The following IKBKB variants were observed in gnomAD, a reference collection of about 807,000 sequenced individuals.
IKBKB encodes inhibitor of nuclear factor kappa B kinase subunit beta.
IKBKB carries 42 observed loss-of-function variants against 113.6 expected under a neutral mutation model. The ratio of observed to expected loss-of-function variants is 0.37; its 90% CI spans 0.29 to 0.48. The LOEUF (loss-of-function observed/expected upper bound fraction) is 0.48. IKBKB is among the 20% of genes least tolerant of loss of function. IKBKB has a pLI of 0.99. For missense variants in IKBKB, 673 were observed against 939.7 expected (o/e 0.72, Z 3.71); for synonymous variants, 296 against 361.3 (o/e 0.82, Z 2.05).
At chr8:42,271,766 G>A (rs1349247867) in intron 1 of IKBKB, 5 of 502,678 alleles carry the variant, frequency 9.9e-6, no homozygotes, top group Non-Finnish European at 1.7e-5. Flanking sequence ...CGGGCAGAAG[G>A]CGGGCAGGCC....
rs201300369 is a variant in IKBKB at position 42,305,320 on chromosome 8, G to A, written c.477+45G>A. The A allele has an allele frequency of 2.5e-5, 31 of 1,236,522 alleles. No individual in the cohort carries two copies. The East Asian group carries it at 4.2e-4, about 17-fold the overall frequency. The allele number at this position is 1,236,522 out of a possible 1,614,324, so 76.6% of individuals were successfully genotyped here. On this transcript the variant is annotated intron_variant, in intron 6 of 21. Coordinates refer to ENST00000520810, the MANE Select transcript of IKBKB (RefSeq NM_001556.3). ...TGGGAAAGCCTCAGGTGGGCGTGCC[G>A]GGAAGTGGCCTGGGAGGAAAGGAGC... is the stretch of plus-strand genomic sequence containing the variant.
chr8:42,301,848 A>G (rs1815280331), intron 5 of IKBKB, among the ~76,000 whole-genome samples: 1 of 152,142 alleles, frequency 6.6e-6, no homozygotes, highest in Non-Finnish European at 1.5e-5. Context: ...GGTTCTGGGG[A>G]CATCTCACCT....
chr8:42,302,681 TTGTTTCATATAAGGTATATATGAAACAAA>T, intron 5 of IKBKB, among the ~76,000 whole-genome samples: 1 of 152,216 alleles, frequency 6.6e-6, no homozygotes, highest in South Asian at 2.1e-4. Context: ...AAAAATTCAG[TTGTTTCATATAAGGTATATATGAAACAAA>T]TGAATTTTGT....
chr8:42,283,642 A>G (rs912482848), intron 2 of IKBKB, among the ~76,000 whole-genome samples: 1 of 152,222 alleles, frequency 6.6e-6, no homozygotes, highest in African/African-American at 2.4e-5. Flanking sequence ...GAGCCTCTGG[A>G]TGGAGCATAG....
intron 12 of IKBKB, 120 bp downstream of exon 12, chr8:42,317,891 C>A: frequency 1.4e-6 from 1 of 720,198 alleles, no homozygotes; most frequent in Non-Finnish European, 2.5e-6. Flanking sequence ...TATCGCCAGT[C>A]CTCAGGGCAG....
At chr8:42,302,997 A>G (rs1815594706) in intron 5 of IKBKB, among the ~76,000 whole-genome samples, 1 of 151,862 alleles carries the variant, frequency 6.6e-6, no homozygotes. Flanking sequence ...GGCCGTACCC[A>G]TGACAGCAGA....
At position 42,271,383 on chromosome 8, in the gene IKBKB, G is replaced by C. The variant is rs898199620; in HGVS notation, c.-105G>C. Reference sequence around the variant, plus strand: ...TTCCCGCATTTTAATGTTTTCAGGGGGGTGTCATAGCCCCGGGTTTGGCCG... The same window carrying C: ...TTCCCGCATTTTAATGTTTTCAGGGCGGTGTCATAGCCCCGGGTTTGGCCG... On this transcript the variant is annotated 5_prime_UTR_variant, in exon 1 of 22. Coordinates refer to ENST00000520810, the MANE Select transcript of IKBKB (RefSeq NM_001556.3). 4 of 1,509,678 alleles carry C rather than the reference G, an allele frequency of 2.6e-6. No individual in the cohort carries two copies. Among genetic ancestry groups the C allele is most frequent in the East Asian group, 2.5e-5 (1 of 40,602 alleles). The allele number at this position is 1,509,678 out of a possible 1,614,324, so 93.5% of individuals were successfully genotyped here.
intron 21 of IKBKB, 45 bp downstream of exon 21, chr8:42,329,259 C>A (rs1189441134): frequency 6.6e-7 from 1 of 1,525,722 alleles, no homozygotes; most frequent in Non-Finnish European, 8.8e-7. Context: ...TCCTTTCTTT[C>A]TATGGCAAAA....
chr8:42,290,378 G>A (rs1321452084), intron 4 of IKBKB, 105 bp downstream of exon 4: 45 of 791,742 alleles, frequency 5.7e-5, no homozygotes, highest in Non-Finnish European at 6.3e-6. Flanking sequence ...GGAAGCTTGG[G>A]GAGCCCCAGT....
In IKBKB at chr8:42,320,794, C is replaced by A; in HGVS notation, c.1638C>A (p.Asp546Glu). The A allele has an allele frequency of 6.2e-7, 1 of 1,609,630 alleles. No individual in the cohort carries two copies. Among genetic ancestry groups the A allele is most frequent in the Non-Finnish European group, 8.5e-7 (1 of 1,177,866 alleles). Residue 546 changes from aspartate to glutamate, a missense_variant, in exon 16 of 22, where the codon GAC becomes GAA. Transcript: ENST00000520810. ...RMMALQTDIV[D>E]LQRSPMGRKQ... ...TGGCTCTGCAGACCGACATTGTGGACTTACAGAGGAGCCCCATGGGCCGGA... is the reference window on the plus strand; with the variant it reads ...TGGCTCTGCAGACCGACATTGTGGAATTACAGAGGAGCCCCATGGGCCGGA...
Position 42,316,456 on chromosome 8 carries a change from C to T in IKBKB, c.930+117C>T. 8.2e-7 allele frequency: 1 copy of T among 1,224,402 alleles called. No individual in the cohort carries two copies. The allele number at this position is 1,224,402 out of a possible 1,614,324, so 75.8% of individuals were successfully genotyped here. A position where few individuals can be genotyped will look rare whatever the true frequency, so the allele number is the denominator to read the frequency against. On this transcript the variant is annotated intron_variant, in intron 10 of 21. Transcript: ENST00000520810. The surrounding 1 kb of genome is among the most constrained non-coding windows in gnomAD (Gnocchi z 4.5). ...TGACCTAGTGAGGAAATTTAGGCTC[C>T]TGCATCAGTCTTTCTGCATAAGTAA...
intron 2 of IKBKB, among the ~76,000 whole-genome samples, chr8:42,282,638 T>G (rs1232904095): frequency 1.3e-5 from 2 of 152,340 alleles, no homozygotes; most frequent in African/African-American, 4.8e-5. Context: ...AAAAATAAAG[T>G]AAGCCATCCT....
At position 42,302,991 on chromosome 8, in the gene IKBKB, G is replaced by A. The variant is rs7815995; in HGVS notation, c.389-2196G>A. The stretch of plus-strand genomic sequence containing the variant: ...TTTCCGTTACCCTGCACAGAGGGCC[G>A]TACCCATGACAGCAGATAGGATCGC... On this transcript the variant is annotated intron_variant, in intron 5 of 21. Transcript: ENST00000520810. Among the ~76,000 whole-genome samples, 264 of 151,882 alleles carry A rather than the reference G, an allele frequency of 1.7e-3. 1 individual carries two copies. The highest frequency in any genetic ancestry group is 3.1e-3 in the Non-Finnish European group (208 of 67,970).
intron 7 of IKBKB, 121 bp from the exon 8 acceptor site, chr8:42,308,780 T>G: frequency 1.1e-6 from 1 of 884,816 alleles, no homozygotes; most frequent in Non-Finnish European, 1.8e-6. Context: ...TCGCCCTGCA[T>G]GCATGTGCCA....
chr8:42,321,830 C>A, intron 16 of IKBKB, 66 bp from the exon 17 acceptor site: 1 of 1,234,922 alleles, frequency 8.1e-7, no homozygotes, highest in Non-Finnish European at 1.1e-6. Context: ...CTACCTCTAC[C>A]AAAAAAATGT....
At position 42,298,975 on chromosome 8, in the gene IKBKB, G is replaced by A. The variant is rs1032213967; in HGVS notation, c.388+5463G>A. Among the ~76,000 whole-genome samples, 3 of 152,050 alleles carry A rather than the reference G, an allele frequency of 2.0e-5. 1 individual carries two copies. Among genetic ancestry groups the A allele is most frequent in the East Asian group, 1.9e-4 (1 of 5,162 alleles). Reference sequence around the variant, plus strand: ...CGCTGGCTGCCCGCTGCTCCTCGACGTTCTGTTTCCCTGGCCGTTCTTGTG... The same window carrying A: ...CGCTGGCTGCCCGCTGCTCCTCGACATTCTGTTTCCCTGGCCGTTCTTGTG... On this transcript the variant is annotated intron_variant, in intron 5 of 21. Transcript: ENST00000520810.
In IKBKB at chr8:42,271,358, T is replaced by C; in HGVS notation, c.-130T>C. ...TCGCGCCGCGCTGCCCGCGTTAAGATTCCCGCATTTTAATGTTTTCAGGGG... is the reference window on the plus strand; with the variant it reads ...TCGCGCCGCGCTGCCCGCGTTAAGACTCCCGCATTTTAATGTTTTCAGGGG... On this transcript the variant is annotated 5_prime_UTR_variant, in exon 1 of 22. Coordinates refer to ENST00000520810, the MANE Select transcript of IKBKB (RefSeq NM_001556.3). 7.0e-7 allele frequency: 1 copy of C among 1,424,286 alleles called. No individual in the cohort carries two copies. Among genetic ancestry groups the C allele is most frequent in the Middle Eastern group, 1.7e-4 (1 of 5,756 alleles). 88.2% of individuals were successfully genotyped at this position (1,424,286 alleles called of 1,614,324 possible).
At chr8:42,287,403 T>C (rs1179315303) in intron 2 of IKBKB, among the ~76,000 whole-genome samples, 2 of 152,256 alleles carry the variant, frequency 1.3e-5, no homozygotes, top group Non-Finnish European at 2.9e-5. Flanking sequence ...GCATGTGCAC[T>C]GAAGGAATTA....
chr8:42,296,943 G>A lies in IKBKB; in HGVS notation c.388+3431G>A, dbSNP rs1813985931. Among the ~76,000 whole-genome samples the A allele has an allele frequency of 2.0e-5, 3 of 152,344 alleles. No individual in the cohort carries two copies. The South Asian group carries it at 6.2e-4, about 32-fold the overall frequency. On this transcript the variant is annotated intron_variant, in intron 5 of 21. Coordinates refer to ENST00000520810, the MANE Select transcript of IKBKB (RefSeq NM_001556.3). ...CCTGCAGAATGTGCAGTCAGCAAGT[G>A]TTAGTTCCTTGCTCATTTCCTTCCC... is the stretch of plus-strand genomic sequence containing the variant.
Sources: allele counts gnomAD v4.1 joint callset (sites outside exome capture counted in the v4.1 genomes callset), GRCh38; gene constraint gnomAD v4.1.1; non-coding constraint Gnocchi (gnomAD v3.1); transcripts MANE v1.5; gene names NCBI Gene and HGNC (gene_info 2026-07-23, HGNC 2026-07-21).